The following TSPAN17 variants were observed in gnomAD, a reference collection of about 807,000 sequenced individuals.
The protein encoded by TSPAN17 is tetraspanin-17.
TSPAN17 carries 33 observed loss-of-function variants against 40.5 expected under a neutral mutation model. That is an observed-to-expected ratio of 0.81 (90% CI 0.62 to 1.09). The LOEUF (loss-of-function observed/expected upper bound fraction) is 1.09. Among genes scored for constraint, TSPAN17 ranks in the 50% least tolerant of loss-of-function variants. The pLI is 0.00. For synonymous variants in TSPAN17, 166 were observed against 169.4 expected (o/e 0.98, Z 0.15); for missense variants, 365 against 416.8 (o/e 0.88, Z 1.08).
rs190622028 is a variant in TSPAN17, at chr5:176,656,720, C to T, written c.651C>T (p.Phe217=). 2.5e-6 allele frequency: 4 copies of T among 1,614,150 alleles called. No homozygotes were observed. Among genetic ancestry groups the T allele is most frequent in the Non-Finnish European group, 2.5e-6 (3 of 1,179,994 alleles). Residue 217 remains phenylalanine (F), a synonymous_variant, in exon 7 of 9, where the codon TTC becomes TTT. Coordinates refer to ENST00000508164, the MANE Select transcript of TSPAN17 (RefSeq NM_130465.5). The stretch of plus-strand genomic sequence containing the variant: ...CCCAGGAGCTGGAGCAGCAGGGCTT[C>T]ATCCACACCAAAGGCTGCGTGGGCC... ...RLKLELEQQG[F]IHTKGCVGQF...
At chr5:176,653,425 A>G in intron 4 of TSPAN17, 1 of 153,388 alleles carries the variant, frequency 6.5e-6, no homozygotes, top group East Asian at 1.9e-4. Flanking sequence ...CTGCCCTCAA[A>G]CTTACAAACT....
At chr5:176,657,277 G>A in intron 8 of TSPAN17, 1 of 703,056 alleles carries the variant, frequency 1.4e-6, no homozygotes, top group Non-Finnish European at 2.3e-6. Flanking sequence ...GAGGGTGCAG[G>A]CCAAGTGGGG....
At position 176,656,089 on chromosome 5, in the gene TSPAN17, C is replaced by A. The variant is rs537382934; in HGVS notation, c.594C>A (p.Leu198=). 1 of 1,614,044 alleles carries A rather than the reference C, an allele frequency of 6.2e-7. No homozygotes were observed. Among genetic ancestry groups the A allele is most frequent in the South Asian group, 1.1e-5 (1 of 91,080 alleles). The change falls in exon 6 of 9, where the codon CTC becomes CTA. Residue 198 remains leucine, a synonymous_variant. Coordinates refer to ENST00000508164, the MANE Select transcript of TSPAN17 (RefSeq NM_130465.5). ...CCVRDPAEDV[L]NTQCGYDVRL... ...CTGTCTCCCCTCAGGAGGATGTCCTCAACACCCAGTGTGGCTACGACGTCC... is the reference window on the plus strand; with the variant it reads ...CTGTCTCCCCTCAGGAGGATGTCCTAAACACCCAGTGTGGCTACGACGTCC...
Position 176,647,553 on chromosome 5 carries a change from G to C in TSPAN17, c.-63G>C. The C allele has an allele frequency of 2.7e-6, 4 of 1,460,072 alleles. No individual in the cohort carries two copies. The highest frequency in any genetic ancestry group is 3.7e-6 in the Non-Finnish European group (4 of 1,092,772). 90.4% of individuals were successfully genotyped at this position (1,460,072 alleles called of 1,614,324 possible). On this transcript the variant is annotated 5_prime_UTR_variant, in exon 1 of 9. Coordinates refer to ENST00000508164, the MANE Select transcript of TSPAN17 (RefSeq NM_130465.5). ...CCCCGGGCGGCTCTAGCCCAGGGCG[G>C]CCCGCGGGGCGCTGGGCCTGGCTCC... is the stretch of plus-strand genomic sequence containing the variant.
chr5:176,651,292 G>A lies in TSPAN17; in HGVS notation c.88-324G>A, dbSNP rs910304247. On this transcript the variant is annotated intron_variant, in intron 1 of 8. Coordinates refer to ENST00000508164, the MANE Select transcript of TSPAN17 (RefSeq NM_130465.5). This position sits in a 1 kb window ranked among gnomAD's most constrained non-coding sequence, Gnocchi z 4.5. ...AGGTGTAGAGGCTCAGTATACTGGC[G>A]CCGTCGCTACCCCCGCTGACACAGC... Among the ~76,000 whole-genome samples the A allele has an allele frequency of 3.3e-5, 5 of 151,998 alleles. No individual in the cohort carries two copies. Among genetic ancestry groups the A allele is most frequent in the African/African-American group, 9.7e-5 (4 of 41,360 alleles).
At position 176,657,739 on chromosome 5, in the gene TSPAN17, A is replaced by C; in HGVS notation, c.*41A>C. On this transcript the variant is annotated 3_prime_UTR_variant, in exon 9 of 9. Coordinates refer to ENST00000508164, the MANE Select transcript of TSPAN17 (RefSeq NM_130465.5). Reference sequence around the variant, plus strand: ...CCAGATCCACAGCTTCTCTTGAAGAATGACCACCTGGCTACGCCGGCTCTT... The same window carrying C: ...CCAGATCCACAGCTTCTCTTGAAGACTGACCACCTGGCTACGCCGGCTCTT... 16 of 1,530,952 alleles carry C rather than the reference A, an allele frequency of 1.0e-5. No homozygotes were observed. The highest frequency in any genetic ancestry group is 1.4e-5 in the Non-Finnish European group (16 of 1,143,438). The allele number at this position is 1,530,952 out of a possible 1,614,324, so 94.8% of individuals were successfully genotyped here.
chr5:176,651,597 T>G lies in TSPAN17; in HGVS notation c.88-19T>G. ...TGGGGCTGCTCCCAGCCCTGAGCTC[T>G]TTGTTGCTGCCCTTGCAGGTGCTGG... On this transcript the variant is annotated intron_variant, in intron 1 of 8. Transcript: ENST00000508164. This position sits in a 1 kb window ranked among gnomAD's most constrained non-coding sequence, Gnocchi z 4.5. 3.1e-6 allele frequency: 5 copies of G among 1,609,360 alleles called. No homozygotes were observed. The highest frequency in any genetic ancestry group is 4.2e-6 in the Non-Finnish European group (5 of 1,177,416).
chr5:176,654,941 T>G lies in TSPAN17; in HGVS notation c.503T>G (p.Ile168Ser), dbSNP rs1257611579. 1.2e-6 allele frequency: 2 copies of G among 1,613,690 alleles called. No homozygotes were observed. Among genetic ancestry groups the G allele is most frequent in the Non-Finnish European group, 1.7e-6 (2 of 1,179,888 alleles). The change falls in exon 5 of 9, where the codon ATC becomes AGC. Residue 168 changes from isoleucine to serine, a missense_variant. Transcript: ENST00000508164. The surrounding 1 kb of genome is among the most constrained non-coding windows in gnomAD (Gnocchi z 4.3). ...GGCCCCAATGACTGGAACCTCAATA[T>G]CTACTTCAACTGCACTGACTTGAAC... ...ARGPNDWNLN[I>S]YFNCTDLNPS...
intron 5 of TSPAN17, 123 bp downstream of exon 5, chr5:176,655,143 T>G (rs1181535575): frequency 1.6e-6 from 2 of 1,276,926 alleles, no homozygotes; most frequent in Admixed American, 2.8e-5. Flanking sequence ...GGGACGTCAT[T>G]TTACATGGGT....
intron 5 of TSPAN17, 23 bp from the exon 6 acceptor site, chr5:176,656,055 C>A: frequency 6.2e-7 from 1 of 1,613,902 alleles, no homozygotes; most frequent in Non-Finnish European, 8.5e-7. Flanking sequence ...CACCAAGTCA[C>A]TAACTGGCCT....
At position 176,657,309 on chromosome 5, in the gene TSPAN17, T is replaced by TC. The variant is rs3833637; in HGVS notation, c.810-202dup. ...GGGGTGGGAGGTGCTGTGTGGAGGG[T>TC]CCCCCCCGTTCCCTGCCCCCCAGTG... On this transcript the variant is annotated intron_variant, in intron 8 of 8. Coordinates refer to ENST00000508164, the MANE Select transcript of TSPAN17 (RefSeq NM_130465.5). The TC allele has an allele frequency of 0.017, 14,917 of 854,098 alleles. 1,247 individuals carry two copies. The African/African-American group carries it at 0.2, about 12-fold the overall frequency. 52.9% of individuals were successfully genotyped at this position (854,098 alleles called of 1,614,324 possible).
chr5:176,657,906 G>A lies in TSPAN17; in HGVS notation c.*208G>A. 1.2e-6 allele frequency: 1 copy of A among 805,656 alleles called. No homozygotes were observed. Among genetic ancestry groups the A allele is most frequent in the Non-Finnish European group, 1.8e-6 (1 of 562,444 alleles). 49.9% of individuals were successfully genotyped at this position (805,656 alleles called of 1,614,324 possible). Reference sequence around the variant, plus strand: ...TGCAGGGTTATTCCCTGCACCTCGAGGCCGCTGCGGGCCAATCTGGAGTGA... The same window carrying A: ...TGCAGGGTTATTCCCTGCACCTCGAAGCCGCTGCGGGCCAATCTGGAGTGA... On this transcript the variant is annotated 3_prime_UTR_variant, in exon 9 of 9. Coordinates refer to ENST00000508164, the MANE Select transcript of TSPAN17 (RefSeq NM_130465.5).
Position 176,652,909 on chromosome 5 carries a change from A to T in TSPAN17, c.452A>T (p.Glu151Val), listed in dbSNP as rs1296997353. Residue 151 changes from glutamate (E) to valine (V), a missense_variant, in exon 4 of 9, where the codon GAA (glutamate) becomes GTA (valine). Glu to Val is a moderately radical substitution (Grantham distance 121). Transcript: ENST00000508164. ...DLQNLIDFAQ[E>V]YWSCCGARGP... The stretch of plus-strand genomic sequence containing the variant: ...CAGAACCTCATTGACTTTGCTCAGG[A>T]ATACGTGAGTCCAGTGTCCAGCCTG... 6.2e-7 allele frequency: 1 copy of T among 1,614,010 alleles called. No individual in the cohort carries two copies. The highest frequency in any genetic ancestry group is 8.5e-7 in the Non-Finnish European group (1 of 1,179,974).
At position 176,651,702 on chromosome 5, in the gene TSPAN17, C is replaced by G; in HGVS notation, c.138+36C>G. 1 of 1,613,958 alleles carries G rather than the reference C, an allele frequency of 6.2e-7. No homozygotes were observed. Among genetic ancestry groups the G allele is most frequent in the Non-Finnish European group, 8.5e-7 (1 of 1,179,880 alleles). On this transcript the variant is annotated intron_variant, in intron 2 of 8. Transcript: ENST00000508164. This position sits in a 1 kb window ranked among gnomAD's most constrained non-coding sequence, Gnocchi z 4.5. ...GGGCGGGCGTGGAGCTGGTATGGGA[C>G]GAGGTGGTGGGAAGGTCAGCTCCCC...
rs1760943872 is a variant in TSPAN17 at position 176,651,016 on chromosome 5, C to T, written c.88-600C>T. ...GAGCTGTGGCCATGGGGCAAAGCCACTGGCACAGGCCAGATCCTAGGTGGA... is the reference window on the plus strand; with the variant it reads ...GAGCTGTGGCCATGGGGCAAAGCCATTGGCACAGGCCAGATCCTAGGTGGA... On this transcript the variant is annotated intron_variant, in intron 1 of 8. Coordinates refer to ENST00000508164, the MANE Select transcript of TSPAN17 (RefSeq NM_130465.5). The surrounding 1 kb of genome is among the most constrained non-coding windows in gnomAD (Gnocchi z 4.5). Among the ~76,000 whole-genome samples, 1 of 152,226 alleles carries T rather than the reference C, an allele frequency of 6.6e-6. No homozygotes were observed. Among genetic ancestry groups the T allele is most frequent in the African/African-American group, 2.4e-5 (1 of 41,456 alleles).
rs1175616332 is a variant in TSPAN17, at chr5:176,653,021, G to T, written c.456+108G>T. 3.2e-6 allele frequency: 4 copies of T among 1,263,166 alleles called. No homozygotes were observed. In the Admixed American group the frequency reaches 7.5e-5, roughly 24 times the overall value. The allele number at this position is 1,263,166 out of a possible 1,614,324, so 78.2% of individuals were successfully genotyped here. ...ACCATCTCCTTACCCACCTGGGCTA[G>T]CGGGCCCCAGGAGAGAGACCCAGGA... On this transcript the variant is annotated intron_variant, in intron 4 of 8. Coordinates refer to ENST00000508164, the MANE Select transcript of TSPAN17 (RefSeq NM_130465.5).
At position 176,656,931 on chromosome 5, in the gene TSPAN17, G is replaced by C; in HGVS notation, c.784G>C (p.Asp262His). ...CTGCCTGGCCCAGAACCTCGTGAGT[G>C]ACATCAAGGCAGTGAAAGCCAACTG... ...GICLAQNLVS[D>H]IKAVKANWSK... Residue 262 changes from aspartate (D) to histidine (H), a missense_variant, in exon 8 of 9, where the codon GAC (aspartate) becomes CAC (histidine). Asp to His is a moderately conservative substitution (Grantham distance 81). Coordinates refer to ENST00000508164, the MANE Select transcript of TSPAN17 (RefSeq NM_130465.5). 1.2e-6 allele frequency: 2 copies of C among 1,614,086 alleles called. No homozygotes were observed. The highest frequency in any genetic ancestry group is 1.7e-6 in the Non-Finnish European group (2 of 1,179,992).
At chr5:176,648,444 G>A (rs1317327987) in intron 1 of TSPAN17, among the ~76,000 whole-genome samples, 2 of 152,214 alleles carry the variant, frequency 1.3e-5, no homozygotes, top group Non-Finnish European at 2.9e-5. Context: ...GTCCCCCTGG[G>A]CCCTGCCAGG....
Position 176,656,908 on chromosome 5 carries a change from G to A in TSPAN17, c.761G>A (p.Cys254Tyr). 1 of 1,614,178 alleles carries A rather than the reference G, an allele frequency of 6.2e-7. No homozygotes were observed. Among genetic ancestry groups the A allele is most frequent in the Non-Finnish European group, 8.5e-7 (1 of 1,180,024 alleles). Residue 254 changes from cysteine (C) to tyrosine (Y), a missense_variant, in exon 8 of 9, where the codon TGC becomes TAC. Physicochemically the swap from Cys to Tyr is radical, Grantham distance 194. Coordinates refer to ENST00000508164, the MANE Select transcript of TSPAN17 (RefSeq NM_130465.5). ...GIALLQIFGI[C>Y]LAQNLVSDIK... ...TCTGTCTTACAGATCTTTGGCATCTGCCTGGCCCAGAACCTCGTGAGTGAC... is the reference window on the plus strand; with the variant it reads ...TCTGTCTTACAGATCTTTGGCATCTACCTGGCCCAGAACCTCGTGAGTGAC...
Sources: gnomAD v4.1 joint callset for allele counts (sites outside exome capture counted in the v4.1 genomes callset) on GRCh38, gnomAD v4.1.1 for gene constraint, Gnocchi (gnomAD v3.1) non-coding constraint, MANE v1.5 for transcripts, NCBI Gene and HGNC (gene_info 2026-07-23, HGNC 2026-07-21) for gene names.